The following PLEKHA6 variants were observed in gnomAD, a reference collection of about 807,000 sequenced individuals.
PLEKHA6 encodes the protein pleckstrin homology domain-containing family A member 6.
A neutral mutation model predicts 116.7 loss-of-function variants in PLEKHA6; 60 were observed. That is an observed-to-expected ratio of 0.51 (90% CI 0.42 to 0.64). The LOEUF is 0.64. PLEKHA6 is among the 30% of genes least tolerant of loss of function. PLEKHA6 has a pLI of 0.00. For missense variants in PLEKHA6, 1,338 were observed against 1,422.7 expected (o/e 0.94, Z 0.96); for synonymous variants, 489 against 556.1 (o/e 0.88, Z 1.70).
At chr1:204,249,658 G>A (rs1263116715) in intron 10 of PLEKHA6, among the ~76,000 whole-genome samples, 2 of 151,942 alleles carry the variant, frequency 1.3e-5, no homozygotes, top group Non-Finnish European at 2.9e-5. Flanking sequence ...AATAGAAACT[G>A]TCCCTCAATC....
intron 1 of PLEKHA6, chr1:204,301,450 G>A: frequency 5.1e-6 from 5 of 985,420 alleles, no homozygotes; most frequent in Non-Finnish European, 6.0e-6. Flanking sequence ...GTGTTATTTG[G>A]TTGGACTTCA....
At chr1:204,231,290 G>A (rs1259299994) in intron 17 of PLEKHA6, among the ~76,000 whole-genome samples, 1 of 152,140 alleles carries the variant, frequency 6.6e-6, no homozygotes, top group Non-Finnish European at 1.5e-5. Context: ...GATCTGATGA[G>A]GGCTCAGAGG....
chr1:204,359,664 C>A, intron 1 of PLEKHA6, 30 bp downstream of exon 1: 1 of 984,138 alleles, frequency 1.0e-6, no homozygotes, highest in Non-Finnish European at 1.2e-6. Flanking sequence ...CCTCCCACCT[C>A]ATCTATGTGA....
chr1:204,273,627 C>G lies in PLEKHA6; in HGVS notation c.101G>C (p.Arg34Pro), dbSNP rs200960445. The G allele has an allele frequency of 3.1e-6, 5 of 1,611,440 alleles. No homozygotes were observed. The African/African-American group carries it at 4.0e-5, about 13-fold the overall frequency. The change falls in exon 3 of 23, where the codon CGG becomes CCG. Residue 34 changes from arginine to proline, a missense_variant and splice_region_variant. Physicochemically the swap from Arg to Pro is moderately radical, Grantham distance 103 (BLOSUM62 -2). Transcript: ENST00000272203. ...SEVPPERPSV[R>P]ATRTARKAVA... ...GCTTGCCTTGAGGGCTGGACTTACC[C>G]GGACGCTGGGCCGCTCTGGAGGGAC...
chr1:204,234,045 C>G (rs1226547826), intron 17 of PLEKHA6, among the ~76,000 whole-genome samples: 2 of 152,162 alleles, frequency 1.3e-5, no homozygotes, highest in East Asian at 3.8e-4. Flanking sequence ...TCCTAGCCCC[C>G]AATACCTGTG....
At position 204,223,762 on chromosome 1, in the gene PLEKHA6, G is replaced by A. The variant is rs1381770197; in HGVS notation, c.3032-177C>T. ...AAGCTGTCCTCATTCCCAGGGCGTC[G>A]TGGAGGAGAGTGTGAGGCCCCAGAG... On this transcript the variant is annotated intron_variant, in intron 21 of 22. Coordinates refer to ENST00000272203, the MANE Select transcript of PLEKHA6 (RefSeq NM_014935.5). The surrounding 1 kb of genome is among the most constrained non-coding windows in gnomAD (Gnocchi z 4.8). Among the ~76,000 whole-genome samples, 5 of 152,142 alleles carry A rather than the reference G, an allele frequency of 3.3e-5. No homozygotes were observed. The highest frequency in any genetic ancestry group is 6.5e-5 in the Admixed American group (1 of 15,274).
At position 204,229,091 on chromosome 1, in the gene PLEKHA6, C is replaced by A. The variant is rs749169337; in HGVS notation, c.2597G>T (p.Arg866Leu). 6.2e-7 allele frequency: 1 copy of A among 1,612,928 alleles called. No homozygotes were observed. The highest frequency in any genetic ancestry group is 1.1e-5 in the South Asian group (1 of 91,054). Residue 866 changes from arginine to leucine, a missense_variant, in exon 19 of 23, where the codon CGC becomes CTC. By Grantham distance (102) the Arg-to-Leu change is moderately radical. Transcript: ENST00000272203. ...RPAYKVVRRHRSIHEVDISNL... is the reference protein window; with the variant it reads ...RPAYKVVRRHLSIHEVDISNL... The stretch of plus-strand genomic sequence containing the variant: ...GGAGATGTCTACCTCATGGATGCTG[C>A]GGTGGCGGCGCACCTAGGGGACAGC...
chr1:204,321,938 C>A (rs1361906207), intron 1 of PLEKHA6, among the ~76,000 whole-genome samples: 1 of 152,230 alleles, frequency 6.6e-6, no homozygotes, highest in Non-Finnish European at 1.5e-5. Context: ...CCCTGGGGCT[C>A]TGGCAGGGCA....
At position 204,315,334 on chromosome 1, in the gene PLEKHA6, G is replaced by A. The variant is rs78511756; in HGVS notation, c.-94-40525C>T. 1.4e-3 allele frequency among the ~76,000 whole-genome samples: 219 copies of A among 152,252 alleles called. 3 individuals carry two copies. In the East Asian group the frequency reaches 0.034, roughly 23 times the overall value. ...CGGTTTGGCATCCAAGGCCCACTGCGGCACGTCCCCACTCATCTTTCAAAC... is the reference window on the plus strand; with the variant it reads ...CGGTTTGGCATCCAAGGCCCACTGCAGCACGTCCCCACTCATCTTTCAAAC... On this transcript the variant is annotated intron_variant, in intron 1 of 22. Coordinates refer to ENST00000272203, the MANE Select transcript of PLEKHA6 (RefSeq NM_014935.5).
chr1:204,264,873 C>T, intron 6 of PLEKHA6, 69 bp downstream of exon 6: 2 of 1,118,884 alleles, frequency 1.8e-6, no homozygotes, highest in South Asian at 1.2e-5. Context: ...GGCCCTTCTC[C>T]ATTCCCATAG....
chr1:204,364,145 G>A (rs764364980), upstream of PLEKHA6, among the ~76,000 whole-genome samples: 4 of 152,110 alleles, frequency 2.6e-5, no homozygotes, highest in Non-Finnish European at 5.9e-5. Context: ...TAACTCCTCC[G>A]GTTGTCTGGC....
At chr1:204,233,763 C>T (rs1197744475) in intron 17 of PLEKHA6, among the ~76,000 whole-genome samples, 1 of 151,982 alleles carries the variant, frequency 6.6e-6, no homozygotes, top group Non-Finnish European at 1.5e-5. Flanking sequence ...AATTTGTTTT[C>T]TAGTTTAAAA....
Position 204,230,474 on chromosome 1 carries a change from C to T in PLEKHA6, c.2522G>A (p.Arg841Lys). The T allele has an allele frequency of 2.5e-6, 4 of 1,581,570 alleles. No homozygotes were observed. The highest frequency in any genetic ancestry group is 3.4e-6 in the Non-Finnish European group (4 of 1,163,598). Reference protein sequence around the residue: ...HQSGSMREKRRSLQLPASPAP... With the variant: ...HQSGSMREKRKSLQLPASPAP... Reference sequence around the variant, plus strand: ...CGGGCTGGCCGGGAGCTGCAGGCTCCTCCGCTTCTCCCTCATGGAGCCACT... The same window carrying T: ...CGGGCTGGCCGGGAGCTGCAGGCTCTTCCGCTTCTCCCTCATGGAGCCACT... Residue 841 changes from arginine to lysine, a missense_variant, in exon 18 of 23, where the codon AGG becomes AAG. Physicochemically the swap from Arg to Lys is conservative, Grantham distance 26. Transcript: ENST00000272203.
intron 1 of PLEKHA6, chr1:204,326,018 T>TGTGCTG: frequency 2.4e-6 from 1 of 419,244 alleles, no homozygotes; most frequent in Non-Finnish European, 3.2e-6. Flanking sequence ...GCCGTCTCCC[T>TGTGCTG]AATGCATCCA....
intron 3 of PLEKHA6, among the ~76,000 whole-genome samples, chr1:204,270,363 T>C (rs2102874163): frequency 6.6e-6 from 1 of 152,318 alleles, no homozygotes; most frequent in South Asian, 2.1e-4. Context: ...CCCTAAGCTA[T>C]AGCCAAGACC....
rs533823430 is a variant in PLEKHA6 at position 204,236,968 on chromosome 1, T to C, written c.2409+4407A>G. Among the ~76,000 whole-genome samples, 5 of 152,342 alleles carry C rather than the reference T, an allele frequency of 3.3e-5. No homozygotes were observed. The South Asian group carries it at 8.3e-4, about 25-fold the overall frequency. On this transcript the variant is annotated intron_variant, in intron 17 of 22. Coordinates refer to ENST00000272203, the MANE Select transcript of PLEKHA6 (RefSeq NM_014935.5). ...CAATTTATGCAGTGAATCTTTCTTCTATCCTTCTCCAAGGAGACCTCTGGC... is the reference window on the plus strand; with the variant it reads ...CAATTTATGCAGTGAATCTTTCTTCCATCCTTCTCCAAGGAGACCTCTGGC...
intron 9 of PLEKHA6, chr1:204,251,548 A>G: frequency 2.8e-6 from 2 of 702,828 alleles, no homozygotes; most frequent in Non-Finnish European, 5.2e-6. Flanking sequence ...AAGAGTTGGG[A>G]CCTGGGGGAG....
At chr1:204,286,256 T>C (rs1669165502) in intron 1 of PLEKHA6, among the ~76,000 whole-genome samples, 1 of 152,116 alleles carries the variant, frequency 6.6e-6, no homozygotes, top group South Asian at 2.1e-4. Context: ...CTAGAGAACC[T>C]GCTGGCTATA....
intron 15 of PLEKHA6, among the ~76,000 whole-genome samples, chr1:204,243,907 G>A (rs1337391118): frequency 3.3e-5 from 5 of 152,008 alleles, no homozygotes; most frequent in East Asian, 1.9e-4. Context: ...TGCAAGCTCC[G>A]CCTCATGGGT....
Sources: gnomAD v4.1 joint callset for allele counts (sites outside exome capture counted in the v4.1 genomes callset) on GRCh38, gnomAD v4.1.1 for gene constraint, Gnocchi (gnomAD v3.1) non-coding constraint, MANE v1.5 for transcripts, NCBI Gene and HGNC (gene_info 2026-07-23, HGNC 2026-07-21) for gene names.